Variants in OR10G4 observed in about 807,000 individuals in gnomAD.
The protein encoded by OR10G4 is olfactory receptor 10G4.
For synonymous variants in OR10G4, 130 were observed against 159.3 expected (o/e 0.82, Z 1.39); for missense variants, 318 against 388.8 (o/e 0.82, Z 1.53).
intron 1 of OR10G4, chr11:124,015,187 G>A (rs535423511): frequency 1.2e-5 from 3 of 259,052 alleles, no homozygotes; most frequent in East Asian, 9.1e-5. Flanking sequence ...CACATTGATT[G>A]AGACCTGTTG....
Position 124,018,179 on chromosome 11 carries a change from A to G in OR10G4, c.*1669A>G, listed in dbSNP as rs1220983565. 1 of 152,190 alleles carries G rather than the reference A, an allele frequency of 6.6e-6. No individual in the cohort carries two copies. The highest frequency in any genetic ancestry group is 1.5e-5 in the Non-Finnish European group (1 of 68,032). The allele number at this position is 152,190 out of a possible 1,614,324, so 9.4% of individuals were successfully genotyped here. A position where few individuals can be genotyped will look rare whatever the true frequency, so the allele number is the denominator to read the frequency against. On this transcript the variant is annotated 3_prime_UTR_variant, in exon 2 of 2. Transcript: ENST00000641722. ...TGATGCAAAACCTTCTTGGAAAAAAATTAATTAAAATACTTTTTTAAATTT... is the reference window on the plus strand; with the variant it reads ...TGATGCAAAACCTTCTTGGAAAAAAGTTAATTAAAATACTTTTTTAAATTT...
At position 124,016,357 on chromosome 11, in the gene OR10G4, A is replaced by G. The variant is rs778681758; in HGVS notation, c.783A>G (p.Pro261=). The part of the protein sequence containing the change: ...FVPCVVIYLR[P]GSMDAMDGVV... ...CCTGTGTTGTCATTTATCTGAGGCCAGGCTCCATGGATGCCATGGATGGAG... is the reference window on the plus strand; with the variant it reads ...CCTGTGTTGTCATTTATCTGAGGCCGGGCTCCATGGATGCCATGGATGGAG... The change falls in exon 2 of 2, where the codon CCA becomes CCG. Residue 261 remains proline, a synonymous_variant. Coordinates refer to ENST00000641722, the MANE Select transcript of OR10G4 (RefSeq NM_001004462.2). The G allele has an allele frequency of 1.2e-6, 2 of 1,614,184 alleles. No individual in the cohort carries two copies. Among genetic ancestry groups the G allele is most frequent in the East Asian group, 2.2e-5 (1 of 44,876 alleles).
chr11:124,013,271 T>C (rs773890231), intron 1 of OR10G4, among the ~76,000 whole-genome samples, 159 bp downstream of exon 1: 12 of 152,234 alleles, frequency 7.9e-5, no homozygotes, highest in Non-Finnish European at 1.2e-4. Flanking sequence ...ATTGAGGTTA[T>C]ACAAATAGGG....
chr11:124,016,639 T>C lies in OR10G4; in HGVS notation c.*129T>C, dbSNP rs1864024146. 7 of 598,958 alleles carry C rather than the reference T, an allele frequency of 1.2e-5. No homozygotes were observed. The South Asian group carries it at 1.6e-4, about 14-fold the overall frequency. 37.1% of individuals were successfully genotyped at this position (598,958 alleles called of 1,614,324 possible). A position where few individuals can be genotyped will look rare whatever the true frequency, so the allele number is the denominator to read the frequency against. On this transcript the variant is annotated 3_prime_UTR_variant, in exon 2 of 2. Transcript: ENST00000641722. Reference sequence around the variant, plus strand: ...CAAAACACCTGCACAGTTATAATTCTTCCACAGATTGTCTAAGACAGTTTT... The same window carrying C: ...CAAAACACCTGCACAGTTATAATTCCTCCACAGATTGTCTAAGACAGTTTT...
chr11:124,014,664 G>A (rs564188947), intron 1 of OR10G4, among the ~76,000 whole-genome samples: 1 of 152,298 alleles, frequency 6.6e-6, no homozygotes, highest in South Asian at 2.1e-4. Flanking sequence ...TGTTAGTGAT[G>A]TCAAATATAA....
chr11:124,015,553 G>A lies in OR10G4; in HGVS notation c.-22G>A. 6.2e-7 allele frequency: 1 copy of A among 1,604,874 alleles called. No individual in the cohort carries two copies. On this transcript the variant is annotated 5_prime_UTR_variant, in exon 2 of 2. Coordinates refer to ENST00000641722, the MANE Select transcript of OR10G4 (RefSeq NM_001004462.2). ...GGTGCTCTTTATATCCCCAGAGGGA[G>A]AGAGACCAAGGGTGAGAAGAAATGT...
chr11:124,014,631 T>A (rs6590036), intron 1 of OR10G4, among the ~76,000 whole-genome samples: 1 of 151,898 alleles, frequency 6.6e-6, no homozygotes, highest in Non-Finnish European at 1.5e-5. Context: ...TTAATGCTGA[T>A]AATTTATCAG....
At chr11:124,014,425 G>A (rs1220024201) in intron 1 of OR10G4, among the ~76,000 whole-genome samples, 1 of 152,100 alleles carries the variant, frequency 6.6e-6, no homozygotes, top group African/African-American at 2.4e-5. Flanking sequence ...GTTATTACCT[G>A]CCAGGGATAG....
At chr11:124,013,889 C>G (rs1863990773) in intron 1 of OR10G4, among the ~76,000 whole-genome samples, 1 of 151,956 alleles carries the variant, frequency 6.6e-6, no homozygotes, top group Non-Finnish European at 1.5e-5. Context: ...TATGCATTGC[C>G]TGGGGTTATG....
intron 1 of OR10G4, among the ~76,000 whole-genome samples, chr11:124,014,597 G>T (rs974030300): frequency 2.6e-5 from 4 of 152,168 alleles, no homozygotes; most frequent in Admixed American, 6.5e-5. Context: ...ATGCATGTAC[G>T]TATATATACA....
In OR10G4 at chr11:124,018,024, G is replaced by A. The variant is rs1864035150; in HGVS notation, c.*1514G>A. 1 of 151,780 alleles carries A rather than the reference G, an allele frequency of 6.6e-6. No homozygotes were observed. The allele number at this position is 151,780 out of a possible 1,614,324, so 9.4% of individuals were successfully genotyped here. On this transcript the variant is annotated 3_prime_UTR_variant, in exon 2 of 2. Coordinates refer to ENST00000641722, the MANE Select transcript of OR10G4 (RefSeq NM_001004462.2). Reference sequence around the variant, plus strand: ...TGAATAAATTATTTTGGGGTATCTGGGTATTCAGAATAAAAAAAATTAGTC... The same window carrying A: ...TGAATAAATTATTTTGGGGTATCTGAGTATTCAGAATAAAAAAAATTAGTC...
intron 1 of OR10G4, among the ~76,000 whole-genome samples, chr11:124,014,505 C>G (rs1248831202): frequency 6.6e-6 from 1 of 152,214 alleles, no homozygotes; most frequent in African/African-American, 2.4e-5. Flanking sequence ...TGCTTCGGCT[C>G]ACACATGGTG....
In OR10G4 at chr11:124,016,424, C is replaced by T. The variant is rs1565591361; in HGVS notation, c.850C>T (p.Pro284Ser). Residue 284 changes from proline to serine, a missense_variant, in exon 2 of 2, where the codon CCT becomes TCT. By Grantham distance (74) the Pro-to-Ser change is moderately conservative. Coordinates refer to ENST00000641722, the MANE Select transcript of OR10G4 (RefSeq NM_001004462.2). ...CACTGTGCTGACGCCCCTTCTCAAC[C>T]CTGTTGTGTACACCCTGAGAAACAA... ...FYTVLTPLLN[P>S]VVYTLRNKEV... The T allele has an allele frequency of 6.8e-6, 11 of 1,614,172 alleles. No individual in the cohort carries two copies. In the East Asian group the frequency reaches 2.5e-4, roughly 36 times the overall value.
At chr11:124,014,075 G>A (rs1365458869) in intron 1 of OR10G4, among the ~76,000 whole-genome samples, 1 of 152,086 alleles carries the variant, frequency 6.6e-6, no homozygotes, top group Non-Finnish European at 1.5e-5. Flanking sequence ...ACCTCCCAGG[G>A]GATGGCCTAG....
intron 1 of OR10G4, among the ~76,000 whole-genome samples, chr11:124,014,464 T>C (rs1863997510): frequency 6.6e-6 from 1 of 152,178 alleles, no homozygotes; most frequent in Non-Finnish European, 1.5e-5. Flanking sequence ...CCTGATCCCT[T>C]GCGCTTCCCA....
At chr11:124,015,440 G>A (rs2137552861) in intron 1 of OR10G4, 108 bp from the exon 2 acceptor site, 4 of 1,073,364 alleles carry the variant, frequency 3.7e-6, no homozygotes, top group South Asian at 3.2e-5. Flanking sequence ...CAAGCGAAGT[G>A]CAGGATAACT....
rs1258235140 is a variant in OR10G4 at position 124,015,809 on chromosome 11, A to T, written c.235A>T (p.Met79Leu). ...GTTCTCCACTGTCACGGTGCCCAAA[A>T]TGCTGATGACCTTGGTGTCCCCAAG... ...MWFSTVTVPK[M>L]LMTLVSPSGR... The change falls in exon 2 of 2, where the codon ATG (methionine) becomes TTG (leucine). Residue 79 changes from methionine to leucine, a missense_variant. Coordinates refer to ENST00000641722, the MANE Select transcript of OR10G4 (RefSeq NM_001004462.2). 1 of 1,606,740 alleles carries T rather than the reference A, an allele frequency of 6.2e-7. No individual in the cohort carries two copies. The highest frequency in any genetic ancestry group is 1.1e-5 in the South Asian group (1 of 90,806).
In OR10G4 at chr11:124,016,111, C is replaced by G; in HGVS notation, c.537C>G (p.Asp179Glu). 3 of 1,611,976 alleles carry G rather than the reference C, an allele frequency of 1.9e-6. No individual in the cohort carries two copies. Among genetic ancestry groups the G allele is most frequent in the Non-Finnish European group, 2.5e-6 (3 of 1,178,158 alleles). The change falls in exon 2 of 2, where the codon GAC becomes GAG. Residue 179 changes from aspartate (D) to glutamate (E), a missense_variant. Transcript: ENST00000641722. ...ACCAGATCCAGCACTACTTCTGTGA[C>G]GCACCGCCCATCCTGAAACTGGCCT... is the stretch of plus-strand genomic sequence containing the variant. ...GPNQIQHYFCDAPPILKLACA... is the reference protein window; with the variant it reads ...GPNQIQHYFCEAPPILKLACA...
chr11:124,016,736 T>C lies in OR10G4; in HGVS notation c.*226T>C, dbSNP rs570312837. ...GAATTATTGACTCATTTCTCATCAA[T>C]AGGTTTATATTAAGTTTAAAACATA... On this transcript the variant is annotated 3_prime_UTR_variant, in exon 2 of 2. Transcript: ENST00000641722. 6.1e-5 allele frequency: 23 copies of C among 376,206 alleles called. No homozygotes were observed. Among genetic ancestry groups the C allele is most frequent in the African/African-American group, 3.9e-4 (19 of 48,442 alleles). The allele number at this position is 376,206 out of a possible 1,614,324, so 23.3% of individuals were successfully genotyped here. A position where few individuals can be genotyped will look rare whatever the true frequency, so the allele number is the denominator to read the frequency against.
Sources: gnomAD v4.1 joint callset for allele counts (sites outside exome capture counted in the v4.1 genomes callset) on GRCh38, gnomAD v4.1.1 for gene constraint, MANE v1.5 for transcripts, NCBI Gene and HGNC (gene_info 2026-07-23, HGNC 2026-07-21) for gene names.